The following PRKAR1B variants were observed in gnomAD, a reference collection of about 807,000 sequenced individuals.
The protein encoded by PRKAR1B is cAMP-dependent protein kinase type I-beta regulatory subunit.
PRKAR1B carries 22 observed loss-of-function variants against 46.5 expected under a neutral mutation model. The ratio of observed to expected loss-of-function variants is 0.47; its 90% CI spans 0.34 to 0.68. The LOEUF (loss-of-function observed/expected upper bound fraction) is 0.68, where lower values mean the gene tolerates loss of function less well. PRKAR1B is among the 30% of genes least tolerant of loss of function. The pLI is 0.01. For missense variants in PRKAR1B, 445 were observed against 535.6 expected (o/e 0.83, Z 1.67); for synonymous variants, 259 against 217.7 (o/e 1.19, Z -1.67).
chr7:584,059 A>G (rs1780460850), intron 8 of PRKAR1B, among the ~76,000 whole-genome samples: 1 of 152,202 alleles, frequency 6.6e-6, no homozygotes, highest in Admixed American at 6.5e-5. Context: ...GGCGGCGTAG[A>G]AAGGGCAGAG....
chr7:574,493 G>A (rs1472351569), intron 9 of PRKAR1B, among the ~76,000 whole-genome samples: 1 of 151,906 alleles, frequency 6.6e-6, no homozygotes, highest in African/African-American at 2.4e-5. Flanking sequence ...GGCCCAGGCT[G>A]GAGTACAATG....
intron 2 of PRKAR1B, among the ~76,000 whole-genome samples, chr7:697,602 C>G: frequency 6.6e-6 from 1 of 152,138 alleles, no homozygotes; most frequent in Middle Eastern, 3.4e-3. Context: ...AAATCTCAAG[C>G]GCCAGTTGTA....
In PRKAR1B at chr7:638,303, G is replaced by A. The variant is rs554770928; in HGVS notation, c.441-30851C>T. ...ATTGCTTTTCCCCTAAACAGGTCCC[G>A]GAGGCATCCTACTGAAGTTGGTGGT... On this transcript the variant is annotated intron_variant, in intron 4 of 10. Transcript: ENST00000537384. Among the ~76,000 whole-genome samples the A allele has an allele frequency of 3.2e-4, 48 of 152,330 alleles. 2 individuals are homozygous for A. The South Asian group carries it at 3.9e-3, about 12-fold the overall frequency.
chr7:666,487 C>G lies in PRKAR1B; in HGVS notation c.440+10742G>C, dbSNP rs1392601405. Reference sequence around the variant, plus strand: ...TGAGAAGGCTGCACCTACCACCACCCTGGGGCCTGCCCTGGGAGCTACTCA... The same window carrying G: ...TGAGAAGGCTGCACCTACCACCACCGTGGGGCCTGCCCTGGGAGCTACTCA... On this transcript the variant is annotated intron_variant, in intron 4 of 10. Transcript: ENST00000537384. The surrounding 1 kb of genome is among the most constrained non-coding windows in gnomAD (Gnocchi z 4.9). 6.6e-6 allele frequency among the ~76,000 whole-genome samples: 1 copy of G among 152,236 alleles called. No homozygotes were observed. The highest frequency in any genetic ancestry group is 2.4e-5 in the African/African-American group (1 of 41,472).
chr7:581,890 A>C (rs905792557), intron 8 of PRKAR1B, among the ~76,000 whole-genome samples: 20 of 152,004 alleles, frequency 1.3e-4, no homozygotes, highest in African/African-American at 4.3e-4. Context: ...TAACTTTTTA[A>C]AAATTTTTTG....
At chr7:600,397 C>T (rs928695379) in intron 6 of PRKAR1B, among the ~76,000 whole-genome samples, 1 of 152,128 alleles carries the variant, frequency 6.6e-6, no homozygotes, top group Non-Finnish European at 1.5e-5. Context: ...CCCAGCTTCT[C>T]GGGAGGATCG....
rs775835771 is a variant in PRKAR1B, at chr7:666,605, C to G, written c.440+10624G>C. 6.6e-6 allele frequency among the ~76,000 whole-genome samples: 1 copy of G among 152,226 alleles called. No homozygotes were observed. The highest frequency in any genetic ancestry group is 2.4e-5 in the African/African-American group (1 of 41,468). On this transcript the variant is annotated intron_variant, in intron 4 of 10. Coordinates refer to ENST00000537384, the MANE Select transcript of PRKAR1B (RefSeq NM_001164760.2). This position sits in a 1 kb window ranked among gnomAD's most constrained non-coding sequence, Gnocchi z 4.9. ...ACAATTGCTGTGTGGGTCAGTGCAA[C>G]AGGCCAAGGCCCCCTCTCACTGGGT...
At chr7:551,783 C>G (rs1412908046) in intron 9 of PRKAR1B, among the ~76,000 whole-genome samples, 1 of 138,478 alleles carries the variant, frequency 7.2e-6, no homozygotes. Flanking sequence ...TCCCTCGGAG[C>G]CACTGCCATC....
At chr7:716,421 A>G (rs572517720) in intron 1 of PRKAR1B, among the ~76,000 whole-genome samples, 1 of 152,156 alleles carries the variant, frequency 6.6e-6, no homozygotes, top group African/African-American at 2.4e-5. Flanking sequence ...TGTCAGCTCC[A>G]ATTCACCCTC....
At chr7:640,797 C>A (rs1276713733) in intron 4 of PRKAR1B, among the ~76,000 whole-genome samples, 1 of 129,040 alleles carries the variant, frequency 7.7e-6, no homozygotes, top group Admixed American at 7.7e-5. Context: ...CACACACACA[C>A]ACACACACAC....
chr7:664,374 C>A (rs1164200410), intron 4 of PRKAR1B, among the ~76,000 whole-genome samples: 2 of 152,214 alleles, frequency 1.3e-5, no homozygotes, highest in Non-Finnish European at 2.9e-5. Context: ...ACAGCCTCTG[C>A]CCTGGCACCC....
At position 685,297 on chromosome 7, in the gene PRKAR1B, T is replaced by C. The variant is rs1192057601; in HGVS notation, c.178-4571A>G. ...ATATATACGTATATATATGTATACA[T>C]ATATATATACGTATATATACGTATA... On this transcript the variant is annotated intron_variant, in intron 2 of 10. Coordinates refer to ENST00000537384, the MANE Select transcript of PRKAR1B (RefSeq NM_001164760.2). Among the ~76,000 whole-genome samples the C allele has an allele frequency of 2.1e-3, 19 of 9,020 alleles. 1 individual carries two copies. The highest frequency in any genetic ancestry group is 6.8e-3 in the African/African-American group (17 of 2,502). The allele number at this position is 9,020 out of a possible 152,430, so 5.9% of individuals were successfully genotyped here.
chr7:559,191 A>G (rs1026626436), intron 9 of PRKAR1B, among the ~76,000 whole-genome samples: 5 of 152,166 alleles, frequency 3.3e-5, no homozygotes, highest in African/African-American at 9.7e-5. Flanking sequence ...GACACAACCC[A>G]CAAGGCCACA....
At chr7:682,399 T>C (rs1385201389) in intron 2 of PRKAR1B, among the ~76,000 whole-genome samples, 2 of 151,868 alleles carry the variant, frequency 1.3e-5, no homozygotes, top group African/African-American at 4.8e-5. Context: ...GAGGATCATT[T>C]GGCCCCAGGA....
At chr7:581,301 TC>T (rs1317350474) in intron 8 of PRKAR1B, among the ~76,000 whole-genome samples, 1 of 75,006 alleles carries the variant, frequency 1.3e-5, no homozygotes. Context: ...ACACTCTGTC[TC>T]AAAAAAAAAA....
chr7:694,609 C>G (rs1458659862), intron 2 of PRKAR1B, among the ~76,000 whole-genome samples: 1 of 152,124 alleles, frequency 6.6e-6, no homozygotes, highest in African/African-American at 2.4e-5. Context: ...GTCCCCTTCC[C>G]CTTCCCCCAC....
rs905457950 is a variant in PRKAR1B at position 550,704 on chromosome 7, T to C, written c.974-102A>G. 37 of 982,982 alleles carry C rather than the reference T, an allele frequency of 3.8e-5. No homozygotes were observed. The East Asian group carries it at 4.6e-4, about 12-fold the overall frequency. 60.9% of individuals were successfully genotyped at this position (982,982 alleles called of 1,614,324 possible). On this transcript the variant is annotated intron_variant, in intron 10 of 10. Coordinates refer to ENST00000537384, the MANE Select transcript of PRKAR1B (RefSeq NM_001164760.2). ...CCTGGAAGCGGCTCCCTTTTAAGGA[T>C]AGGATGTGCCAGGCACACGTGAATT...
At chr7:622,059 G>A (rs1406431417) in intron 4 of PRKAR1B, among the ~76,000 whole-genome samples, 1 of 152,156 alleles carries the variant, frequency 6.6e-6, no homozygotes, top group Non-Finnish European at 1.5e-5. Flanking sequence ...CCTTTTTGTT[G>A]GCTTACATTG....
chr7:727,051 C>T, intron 1 of PRKAR1B, 159 bp downstream of exon 1: 1 of 1,095,732 alleles, frequency 9.1e-7, no homozygotes, highest in Non-Finnish European at 1.1e-6. Flanking sequence ...CGCGCGGCCC[C>T]GCGATGCCCT....
Sources: allele counts gnomAD v4.1 joint callset (sites outside exome capture counted in the v4.1 genomes callset), GRCh38; gene constraint gnomAD v4.1.1; non-coding constraint Gnocchi (gnomAD v3.1); transcripts MANE v1.5; gene names NCBI Gene and HGNC (gene_info 2026-07-23, HGNC 2026-07-21).